The following PDE12 variants were observed in gnomAD, a reference collection of about 807,000 sequenced individuals.
PDE12 encodes phosphodiesterase 12.
A neutral mutation model predicts 45.4 loss-of-function variants in PDE12; 26 were observed. That is an observed-to-expected ratio of 0.57 (90% confidence interval 0.42 to 0.79). The LOEUF (loss-of-function observed/expected upper bound fraction) is 0.79. Among genes scored for constraint, PDE12 ranks in the 30% least tolerant of loss-of-function variants. The pLI, the probability that PDE12 is intolerant of heterozygous loss-of-function variation, is 0.00. For synonymous variants in PDE12, 283 were observed against 323.9 expected (o/e 0.87, Z 1.36); for missense variants, 668 against 790.0 (o/e 0.85, Z 1.85).
At chr3:57,634,821 C>T in the PDE12 span, 7 of 1,392,520 alleles carry the variant, frequency 5.0e-6, no homozygotes, top group East Asian at 1.5e-4. Flanking sequence ...ATACATATTA[C>T]AAAATTGGAA....
chr3:57,575,404 G>C, the PDE12 span: 3 of 767,726 alleles, frequency 3.9e-6, no homozygotes, highest in Non-Finnish European at 5.4e-6. Context: ...GGTATTTAAA[G>C]TTTATTACCA....
chr3:57,636,926 G>A, the PDE12 span, among the ~76,000 whole-genome samples: 1 of 126,960 alleles, frequency 7.9e-6, no homozygotes, highest in South Asian at 2.6e-4. Context: ...GACAGAGCGA[G>A]ACTCTGTCTC....
chr3:57,628,532 G>T, the PDE12 span, among the ~76,000 whole-genome samples: 1 of 152,184 alleles, frequency 6.6e-6, no homozygotes, highest in Non-Finnish European at 1.5e-5. Context: ...TCAATAAAAG[G>T]CTTCTATGTA....
chr3:57,578,579 A>C, the PDE12 span, among the ~76,000 whole-genome samples: 2 of 152,058 alleles, frequency 1.3e-5, no homozygotes, highest in African/African-American at 4.8e-5. Context: ...CCCTGGGCTC[A>C]AATGATCCTC....
the PDE12 span, among the ~76,000 whole-genome samples, chr3:57,638,537 A>T: frequency 6.6e-6 from 1 of 152,038 alleles, no homozygotes; most frequent in African/African-American, 2.4e-5. Context: ...GCATGCCTGT[A>T]ATCTCAGCGA....
chr3:57,655,524 T>C, the PDE12 span, among the ~76,000 whole-genome samples: 2 of 152,188 alleles, frequency 1.3e-5, no homozygotes, highest in Non-Finnish European at 2.9e-5. Context: ...GTTTTGAGCA[T>C]TGACATGATG....
At chr3:57,621,344 A>G in the PDE12 span, among the ~76,000 whole-genome samples, 1 of 152,274 alleles carries the variant, frequency 6.6e-6, no homozygotes, top group Non-Finnish European at 1.5e-5. Context: ...CCAAATAGTT[A>G]TAAACCTAAA....
the PDE12 span, chr3:57,645,596 A>G: frequency 8.0e-7 from 1 of 1,251,056 alleles, no homozygotes; most frequent in Middle Eastern, 2.6e-4. Flanking sequence ...TTATTACCAA[A>G]AATAATTCTA....
At chr3:57,655,587 C>A in the PDE12 span, among the ~76,000 whole-genome samples, 11 of 152,148 alleles carry the variant, frequency 7.2e-5, no homozygotes, top group Admixed American at 4.6e-4. Context: ...AGTCAAAATG[C>A]AATCAAAATT....
the PDE12 span, among the ~76,000 whole-genome samples, chr3:57,582,138 G>T: frequency 4.6e-5 from 7 of 152,128 alleles, no homozygotes; most frequent in Non-Finnish European, 8.8e-5. Context: ...GATAAGGAAT[G>T]TTCACCTTGT....
At chr3:57,605,769 G>C in the PDE12 span, among the ~76,000 whole-genome samples, 1 of 152,048 alleles carries the variant, frequency 6.6e-6, no homozygotes, top group Non-Finnish European at 1.5e-5. Context: ...AGAACTGACA[G>C]AGATGTTATT....
chr3:57,618,842 A>G, the PDE12 span, among the ~76,000 whole-genome samples: 1 of 151,948 alleles, frequency 6.6e-6, no homozygotes, highest in Non-Finnish European at 1.5e-5. Flanking sequence ...TCCTGGGCTC[A>G]AGTGATCTGC....
At chr3:57,645,818 C>T in the PDE12 span, 1 of 1,226,514 alleles carries the variant, frequency 8.2e-7, no homozygotes, top group Admixed American at 1.9e-5. Context: ...TAATCTATAA[C>T]TAGAAAACAT....
chr3:57,634,836 A>G, the PDE12 span: 2 of 1,262,172 alleles, frequency 1.6e-6, no homozygotes, highest in Non-Finnish European at 1.1e-6. Context: ...TTGGAACTTT[A>G]TAAGATTTAT....
chr3:57,638,037 G>C, the PDE12 span, among the ~76,000 whole-genome samples: 1 of 151,886 alleles, frequency 6.6e-6, no homozygotes, highest in Non-Finnish European at 1.5e-5. Context: ...GGGAGGCTGA[G>C]ACAGGAGAAT....
chr3:57,578,160 A>G, the PDE12 span, among the ~76,000 whole-genome samples: 2 of 152,212 alleles, frequency 1.3e-5, no homozygotes, highest in Non-Finnish European at 2.9e-5. Context: ...TGTGTACACT[A>G]CAGTTTTTAT....
chr3:57,559,490 T>G lies in PDE12; in HGVS notation c.1388-72T>G, dbSNP rs1180590295. The G allele has an allele frequency of 2.1e-5, 32 of 1,553,820 alleles. No homozygotes were observed. In the East Asian group the frequency reaches 7.0e-4, roughly 34 times the overall value. On this transcript the variant is annotated intron_variant, in intron 2 of 2. Transcript: ENST00000311180. ...TGAACGTCACCCAGAGACTGTAATT[T>G]GTGTAGTTTTTCTTTTTTAACTTAA...
At chr3:57,653,432 A>C in the PDE12 span, among the ~76,000 whole-genome samples, 1 of 152,172 alleles carries the variant, frequency 6.6e-6, no homozygotes, top group African/African-American at 2.4e-5. Context: ...CAGGAAAGGA[A>C]ACTTCTCTCG....
chr3:57,585,665 C>CT, the PDE12 span, among the ~76,000 whole-genome samples: 35,499 of 136,788 alleles, frequency 0.26, 7,156 homozygotes, highest in African/African-American at 0.54. Context: ...TATCTAAATT[C>CT]TTTTTTTTTT....
Sources: gnomAD v4.1 joint callset for allele counts (sites outside exome capture counted in the v4.1 genomes callset) on GRCh38, gnomAD v4.1.1 for gene constraint, MANE v1.5 for transcripts, NCBI Gene and HGNC (gene_info 2026-07-23, HGNC 2026-07-21) for gene names.